PTPRD: variants seen among roughly 807,000 people sequenced by gnomAD.
The protein encoded by PTPRD is receptor-type tyrosine-protein phosphatase delta.
A neutral mutation model predicts 214.5 loss-of-function variants in PTPRD; 34 were observed. The observed-to-expected ratio is 0.16, with a 90% CI of 0.12 to 0.21. The LOEUF (loss-of-function observed/expected upper bound fraction) is 0.21. Ranked by LOEUF, PTPRD falls within the 10% of genes least tolerant of loss-of-function variation. PTPRD has a pLI of 1.00. For missense variants in PTPRD, 2,545 were observed against 2,398.7 expected (o/e 1.06, Z -1.27); for synonymous variants, 1,128 against 845.7 (o/e 1.33, Z -5.79).
intron 4 of PTPRD, among the ~76,000 whole-genome samples, chr9:10,031,937 A>C (rs1422136615): frequency 6.6e-6 from 1 of 152,082 alleles, no homozygotes; most frequent in Admixed American, 6.6e-5. Context: ...GAGAAGTCCC[A>C]AATAAGTGGA....
At chr9:9,417,947 A>G (rs1223241016) in intron 8 of PTPRD, among the ~76,000 whole-genome samples, 4 of 152,042 alleles carry the variant, frequency 2.6e-5, no homozygotes, top group Admixed American at 2.6e-4. Flanking sequence ...ATCCAATTAG[A>G]TCCTGTTTCC....
intron 8 of PTPRD, among the ~76,000 whole-genome samples, chr9:9,514,136 T>G (rs1466480506): frequency 6.6e-6 from 1 of 152,046 alleles, no homozygotes; most frequent in East Asian, 1.9e-4. Flanking sequence ...ATTTTGGCCT[T>G]TTGGTGGATG....
At chr9:9,857,410 G>C (rs1489600330) in intron 5 of PTPRD, among the ~76,000 whole-genome samples, 1 of 152,124 alleles carries the variant, frequency 6.6e-6, no homozygotes, top group African/African-American at 2.4e-5. Flanking sequence ...AATGCTTCCT[G>C]AATAAATGTG....
At chr9:10,216,021 T>A (rs1340517286) in intron 3 of PTPRD, among the ~76,000 whole-genome samples, 3 of 151,996 alleles carry the variant, frequency 2.0e-5, no homozygotes, top group Non-Finnish European at 4.4e-5. Flanking sequence ...AGTGAGAGCA[T>A]AATTAATACC....
intron 4 of PTPRD, among the ~76,000 whole-genome samples, chr9:9,989,304 G>A (rs2095832025): frequency 6.6e-6 from 1 of 152,052 alleles, no homozygotes; most frequent in African/African-American, 2.4e-5. Context: ...CCACTTGAAT[G>A]TTGCCTTTTC....
intron 34 of PTPRD, among the ~76,000 whole-genome samples, chr9:8,446,784 C>T (rs2095746595): frequency 6.6e-6 from 1 of 152,138 alleles, no homozygotes; most frequent in Non-Finnish European, 1.5e-5. Context: ...TCATGCAACA[C>T]CTAATGAAGG....
At chr9:8,898,863 C>T (rs2098641786) in intron 11 of PTPRD, among the ~76,000 whole-genome samples, 1 of 152,072 alleles carries the variant, frequency 6.6e-6, no homozygotes. Context: ...TATTTTTTAA[C>T]AAGACATGTT....
chr9:10,501,677 T>C (rs1175258131), intron 2 of PTPRD, among the ~76,000 whole-genome samples: 2 of 152,026 alleles, frequency 1.3e-5, no homozygotes, highest in Non-Finnish European at 2.9e-5. Flanking sequence ...ATATTATTTG[T>C]TCTTCACTGA....
chr9:10,030,563 G>A (rs752119143), intron 4 of PTPRD, among the ~76,000 whole-genome samples: 1 of 152,080 alleles, frequency 6.6e-6, no homozygotes, highest in Non-Finnish European at 1.5e-5. Context: ...TGAGTGACTA[G>A]ACTAATGTTA....
At chr9:9,326,847 G>A (rs2040161113) in intron 9 of PTPRD, among the ~76,000 whole-genome samples, 1 of 152,110 alleles carries the variant, frequency 6.6e-6, no homozygotes, top group Non-Finnish European at 1.5e-5. Flanking sequence ...AAAGCTATCT[G>A]AGCCTTCTGG....
At chr9:8,694,918 A>G (rs1361954613) in intron 12 of PTPRD, among the ~76,000 whole-genome samples, 1 of 152,220 alleles carries the variant, frequency 6.6e-6, no homozygotes, top group Admixed American at 6.5e-5. Context: ...CCCAACAAAC[A>G]TATCCGTCAA....
intron 9 of PTPRD, among the ~76,000 whole-genome samples, chr9:9,312,532 G>A (rs1185212186): frequency 6.6e-6 from 1 of 152,088 alleles, no homozygotes; most frequent in Non-Finnish European, 1.5e-5. Context: ...GGTTTTCTCT[G>A]GATACTCTGG....
At chr9:9,444,821 AAATACTTG>A (rs1215757601) in intron 8 of PTPRD, among the ~76,000 whole-genome samples, 1 of 152,152 alleles carries the variant, frequency 6.6e-6, no homozygotes, top group Non-Finnish European at 1.5e-5. Context: ...CCATGTAAGC[AAATACTTG>A]ATCTCTACAA....
chr9:8,346,057 T>G (rs943740952), intron 39 of PTPRD, among the ~76,000 whole-genome samples: 4 of 152,098 alleles, frequency 2.6e-5, no homozygotes, highest in African/African-American at 9.7e-5. Context: ...AAATAAAGAT[T>G]CTAAGCTTAA....
At chr9:8,547,005 C>T (rs1175003466) in intron 14 of PTPRD, among the ~76,000 whole-genome samples, 1 of 152,200 alleles carries the variant, frequency 6.6e-6, no homozygotes, top group African/African-American at 2.4e-5. Flanking sequence ...TGTCTTACTA[C>T]AAAATTTTCC....
chr9:10,586,972 G>T (rs1246181804), intron 2 of PTPRD, among the ~76,000 whole-genome samples: 1 of 151,578 alleles, frequency 6.6e-6, no homozygotes, highest in Non-Finnish European at 1.5e-5. Flanking sequence ...AACAATTAAG[G>T]GTAGATGGTG....
chr9:10,250,363 C>G (rs2092659481), intron 3 of PTPRD, among the ~76,000 whole-genome samples: 1 of 152,028 alleles, frequency 6.6e-6, no homozygotes, highest in African/African-American at 2.4e-5. Context: ...GACAGCTGAA[C>G]AGTTTCTACA....
intron 2 of PTPRD, among the ~76,000 whole-genome samples, chr9:10,499,342 C>T (rs1268016999): frequency 6.6e-6 from 1 of 151,788 alleles, no homozygotes; most frequent in African/African-American, 2.4e-5. Context: ...AAGAGAAAGT[C>T]CTTACTAAAC....
chr9:9,743,767 CACAA>C (rs1205654140), intron 6 of PTPRD, among the ~76,000 whole-genome samples: 148 of 146,808 alleles, frequency 1.0e-3, no homozygotes, highest in African/African-American at 2.0e-3. Flanking sequence ...CACACACACA[CACAA>C]TTTATACTGA....
Sources: allele counts gnomAD v4.1 joint callset (sites outside exome capture counted in the v4.1 genomes callset), GRCh38; gene constraint gnomAD v4.1.1; transcripts MANE v1.5; gene names NCBI Gene and HGNC (gene_info 2026-07-23, HGNC 2026-07-21).